The following OLA1 variants were observed in gnomAD, a reference collection of about 807,000 sequenced individuals.
The protein encoded by OLA1 is obg-like ATPase 1.
Under a neutral mutation model 48.4 loss-of-function variants are expected in OLA1, and 14 were observed. The ratio of observed to expected loss-of-function variants is 0.29; its 90% CI spans 0.19 to 0.45. The LOEUF (loss-of-function observed/expected upper bound fraction) is 0.45. Among genes scored for constraint, OLA1 ranks in the 20% least tolerant of loss-of-function variants. The probability of loss-of-function intolerance (pLI) is 1.00; values close to 1 mark genes in which losing one functional copy is unlikely to be tolerated. For synonymous variants in OLA1, 127 were observed against 150.4 expected, an observed-to-expected ratio of 0.84 and a Z score of 1.14; for missense variants, 325 against 467.1, an observed-to-expected ratio of 0.70 and a Z score of 2.80.
intron 7 of OLA1, among the ~76,000 whole-genome samples, chr2:174,097,587 G>T (rs575850705): frequency 1.2e-3 from 181 of 152,004 alleles, no homozygotes; most frequent in African/African-American, 4.2e-3. Flanking sequence ...TGGATCACTT[G>T]GGGCCAGGAG....
intron 2 of OLA1, among the ~76,000 whole-genome samples, chr2:174,231,175 T>G (rs1004479793): frequency 3.9e-5 from 6 of 152,082 alleles, no homozygotes; most frequent in African/African-American, 1.2e-4. Flanking sequence ...CTTCTTCCCC[T>G]CTCCATGAAA....
At chr2:174,170,285 A>T (rs1687266450) in intron 4 of OLA1, among the ~76,000 whole-genome samples, 1 of 152,212 alleles carries the variant, frequency 6.6e-6, no homozygotes, top group African/African-American at 2.4e-5. Context: ...ATAAAAATAA[A>T]GGGCACCTGT....
At chr2:174,210,533 CATAAGGT>C (rs1688217939) in intron 4 of OLA1, among the ~76,000 whole-genome samples, 2 of 152,052 alleles carry the variant, frequency 1.3e-5, no homozygotes, top group African/African-American at 2.4e-5. Flanking sequence ...ACTGTCTACT[CATAAGGT>C]ATAAGGGAAA....
intron 9 of OLA1, 66 bp from the exon 10 acceptor site, chr2:174,079,156 C>G (rs935409744): frequency 5.6e-5 from 79 of 1,421,000 alleles, no homozygotes; most frequent in Non-Finnish European, 7.2e-5. Context: ...CACAGAGTTT[C>G]TTTTCTCTGA....
At chr2:174,146,279 G>A (rs970231551) in intron 4 of OLA1, among the ~76,000 whole-genome samples, 7 of 152,164 alleles carry the variant, frequency 4.6e-5, no homozygotes, top group African/African-American at 1.7e-4. Context: ...ACAAAGGGAA[G>A]GCAGGGTGAT....
chr2:174,147,268 A>G (rs1686627249), intron 4 of OLA1, among the ~76,000 whole-genome samples: 1 of 152,082 alleles, frequency 6.6e-6, no homozygotes, highest in African/African-American at 2.4e-5. Context: ...CTCTACTAAA[A>G]ATACAAAACT....
intron 4 of OLA1, among the ~76,000 whole-genome samples, chr2:174,181,830 T>C (rs548815488): frequency 2.6e-5 from 4 of 152,332 alleles, no homozygotes; most frequent in South Asian, 2.1e-4. Context: ...TACTATACTA[T>C]GCTCCTTCCC....
chr2:174,112,797 CA>C (rs1312683876), intron 7 of OLA1, among the ~76,000 whole-genome samples: 1 of 152,186 alleles, frequency 6.6e-6, no homozygotes, highest in East Asian at 1.9e-4. Flanking sequence ...GCTCCAGAAC[CA>C]TGAACCAAAT....
At chr2:174,126,333 T>C (rs1021484887) in intron 5 of OLA1, among the ~76,000 whole-genome samples, 1 of 152,022 alleles carries the variant, frequency 6.6e-6, no homozygotes, top group South Asian at 2.1e-4. Flanking sequence ...CTTGGTTAAC[T>C]GGAAAAAAAA....
rs2105405210 is a variant in OLA1, at chr2:174,170,535, G to A, written c.374-28535C>T. Among the ~76,000 whole-genome samples, 2 of 152,210 alleles carry A rather than the reference G, an allele frequency of 1.3e-5. 1 individual carries two copies. Among genetic ancestry groups the A allele is most frequent in the Middle Eastern group, 6.8e-3 (2 of 294 alleles). On this transcript the variant is annotated intron_variant, in intron 4 of 10. Transcript: ENST00000284719. ...AGACAATGAAATAAGCACTTTAAAA[G>A]GTGTTGACTATCAGAATTGATAATA...
chr2:174,123,050 C>G (rs1253463593), intron 7 of OLA1, 130 bp downstream of exon 7: 1 of 557,782 alleles, frequency 1.8e-6, no homozygotes, highest in Non-Finnish European at 3.2e-6. Context: ...CTTTCTCATC[C>G]ATTTTAAACT....
intron 7 of OLA1, among the ~76,000 whole-genome samples, chr2:174,122,119 A>G (rs1350404124): frequency 6.6e-6 from 1 of 152,212 alleles, no homozygotes; most frequent in Non-Finnish European, 1.5e-5. Context: ...AGCTGAATGA[A>G]ATCTTTATGT....
At chr2:174,151,835 T>C (rs559279258) in intron 4 of OLA1, among the ~76,000 whole-genome samples, 2 of 152,296 alleles carry the variant, frequency 1.3e-5, no homozygotes, top group African/African-American at 4.8e-5. Flanking sequence ...AAATTCTTTA[T>C]TGCATTGGGG....
At chr2:174,229,839 T>G (rs1305450453) in intron 2 of OLA1, among the ~76,000 whole-genome samples, 4 of 152,232 alleles carry the variant, frequency 2.6e-5, no homozygotes, top group African/African-American at 4.8e-5. Context: ...GTAGAAGTCA[T>G]GTCTCTAGTT....
At chr2:174,181,590 C>T (rs1703) in intron 4 of OLA1, among the ~76,000 whole-genome samples, 9,516 of 152,102 alleles carry the variant, frequency 0.063, 353 homozygotes, top group Middle Eastern at 0.14. Context: ...GGACAACTCA[C>T]TTGTTATGAT....
chr2:174,099,339 A>G (rs1457344082), intron 7 of OLA1, among the ~76,000 whole-genome samples: 1 of 152,074 alleles, frequency 6.6e-6, no homozygotes, highest in Non-Finnish European at 1.5e-5. Flanking sequence ...CATTTTTAGT[A>G]GACACAGGGC....
intron 7 of OLA1, among the ~76,000 whole-genome samples, chr2:174,106,567 T>C (rs890532863): frequency 6.6e-6 from 1 of 152,170 alleles, no homozygotes; most frequent in Non-Finnish European, 1.5e-5. Context: ...GAGAAATTGC[T>C]GTTGTGCTTT....
At chr2:174,233,531 G>A (rs1049287551) in intron 2 of OLA1, among the ~76,000 whole-genome samples, 30 of 152,012 alleles carry the variant, frequency 2.0e-4, no homozygotes, top group African/African-American at 7.0e-4. Flanking sequence ...ATGACACCAC[G>A]GCCAGCTAAT....
chr2:174,166,864 T>G (rs994107125), intron 4 of OLA1, among the ~76,000 whole-genome samples: 7 of 152,176 alleles, frequency 4.6e-5, no homozygotes, highest in Non-Finnish European at 8.8e-5. Flanking sequence ...ATTAACTTTT[T>G]TAGGGTAATT....
Sources: gnomAD v4.1 joint callset for allele counts (sites outside exome capture counted in the v4.1 genomes callset) on GRCh38, gnomAD v4.1.1 for gene constraint, MANE v1.5 for transcripts, NCBI Gene and HGNC (gene_info 2026-07-23, HGNC 2026-07-21) for gene names.